Variants in DRD2 observed in about 807,000 individuals in gnomAD.
DRD2 encodes D(2) dopamine receptor.
Under a neutral mutation model 38.0 loss-of-function variants are expected in DRD2, and 8 were observed. The observed-to-expected ratio is 0.21, with a 90% CI of 0.12 to 0.38. The LOEUF is 0.38. DRD2 is among the 10% of genes least tolerant of loss of function. The pLI is 1.00. For synonymous variants in DRD2, 230 were observed against 238.6 expected (o/e 0.96, Z 0.33); for missense variants, 403 against 607.7 (o/e 0.66, Z 3.54).
At chr11:113,467,953 A>G (rs1031786974) in intron 1 of DRD2, among the ~76,000 whole-genome samples, 1 of 152,236 alleles carries the variant, frequency 6.6e-6, no homozygotes, top group African/African-American at 2.4e-5. Flanking sequence ...CGTTTTAGAA[A>G]CATGATTTCA....
intron 1 of DRD2, among the ~76,000 whole-genome samples, chr11:113,451,647 C>T (rs918411825): frequency 6.6e-6 from 1 of 152,052 alleles, no homozygotes; most frequent in Non-Finnish European, 1.5e-5. Flanking sequence ...CCTGCTACCA[C>T]GCCCGGCTAA....
At chr11:113,440,040 C>G (rs1365905677) in intron 1 of DRD2, among the ~76,000 whole-genome samples, 1 of 151,986 alleles carries the variant, frequency 6.6e-6, no homozygotes, top group Non-Finnish European at 1.5e-5. Context: ...CCATCCTGGT[C>G]ACTGTAGGAT....
At chr11:113,436,994 C>CAG (rs1951045222) in intron 1 of DRD2, among the ~76,000 whole-genome samples, 1 of 152,136 alleles carries the variant, frequency 6.6e-6, no homozygotes, top group Non-Finnish European at 1.5e-5. Context: ...GGCCTGGGAT[C>CAG]CTTTCTCATG....
chr11:113,466,586 AAG>A (rs1316038266), intron 1 of DRD2, among the ~76,000 whole-genome samples: 2 of 152,186 alleles, frequency 1.3e-5, no homozygotes, highest in Non-Finnish European at 2.9e-5. Context: ...TTAGGGATGA[AAG>A]AGAGAAGGCA....
chr11:113,468,088 T>C (rs1345620138), intron 1 of DRD2, among the ~76,000 whole-genome samples: 1 of 152,246 alleles, frequency 6.6e-6, no homozygotes. Context: ...GTACTCACTT[T>C]TCCCAGGGAC....
chr11:113,417,958 T>G, intron 3 of DRD2, 69 bp downstream of exon 3: 4 of 1,312,292 alleles, frequency 3.0e-6, no homozygotes, highest in Non-Finnish European at 4.4e-6. Context: ...CAGCCTGGCT[T>G]TGAGAAAAGC....
chr11:113,447,414 G>A (rs948873605), intron 1 of DRD2, among the ~76,000 whole-genome samples: 1 of 151,092 alleles, frequency 6.6e-6, no homozygotes, highest in Non-Finnish European at 1.5e-5. Context: ...AGATGGAAGT[G>A]CCCATGAGAA....
At chr11:113,415,222 C>T (rs1329407276) in intron 5 of DRD2, 199 bp downstream of exon 5, 1 of 511,832 alleles carries the variant, frequency 2.0e-6, no homozygotes, top group Non-Finnish European at 3.3e-6. Context: ...ATGGACCCTG[C>T]CTCCCTCTCC....
chr11:113,445,100 C>A (rs1196034182), intron 1 of DRD2, among the ~76,000 whole-genome samples: 1 of 152,280 alleles, frequency 6.6e-6, no homozygotes, highest in Middle Eastern at 3.4e-3. Flanking sequence ...TCTGAAAACA[C>A]CTGACCAGCA....
At chr11:113,413,994 C>T (rs1029896657) in intron 6 of DRD2, 10 of 339,462 alleles carry the variant, frequency 2.9e-5, no homozygotes, top group Admixed American at 2.8e-4. Context: ...GTTGCCTAAT[C>T]TTTCTGAGCC....
intron 1 of DRD2, among the ~76,000 whole-genome samples, chr11:113,434,550 C>T (rs778492062): frequency 7.2e-5 from 11 of 152,142 alleles, no homozygotes; most frequent in Non-Finnish European, 1.3e-4. Context: ...ATCACTGTGG[C>T]ACAAAGGTGT....
intron 1 of DRD2, among the ~76,000 whole-genome samples, chr11:113,445,380 G>C (rs11214609): frequency 0.44 from 67,270 of 152,088 alleles, 17,470 homozygotes; most frequent in Non-Finnish European, 0.6. Context: ...GAAGGGTATA[G>C]GGGAACTCTC....
At chr11:113,433,329 G>A (rs1466824798) in intron 1 of DRD2, among the ~76,000 whole-genome samples, 1 of 152,134 alleles carries the variant, frequency 6.6e-6, no homozygotes, top group Non-Finnish European at 1.5e-5. Context: ...CCCTGTTAAG[G>A]GGAAGGGCTC....
chr11:113,425,857 A>AT (rs2138182469), intron 1 of DRD2, among the ~76,000 whole-genome samples: 1 of 152,266 alleles, frequency 6.6e-6, no homozygotes, highest in East Asian at 1.9e-4. Context: ...TCAAACAGCA[A>AT]ACAATTCTGT....
chr11:113,415,831 A>T (rs973161495), intron 4 of DRD2, among the ~76,000 whole-genome samples: 37 of 152,370 alleles, frequency 2.4e-4, no homozygotes, highest in Admixed American at 9.2e-4. Flanking sequence ...TTAAGCTGTG[A>T]TGATGGACTG....
Position 113,424,697 on chromosome 11 carries a change from T to A in DRD2, c.-31-15A>T, listed in dbSNP as rs1591281100. The A allele has an allele frequency of 1.2e-6, 2 of 1,612,444 alleles. No homozygotes were observed. Among genetic ancestry groups the A allele is most frequent in the African/African-American group, 1.3e-5 (1 of 74,896 alleles). ...GTGGCCAGGCTCTGGCCAGGAAAAATGGACACAAGGTGTCAGTGAGAGGGC... is the reference window on the plus strand; with the variant it reads ...GTGGCCAGGCTCTGGCCAGGAAAAAAGGACACAAGGTGTCAGTGAGAGGGC... On this transcript the variant is annotated splice_polypyrimidine_tract_variant and intron_variant, in intron 1 of 7. Transcript: ENST00000362072.
rs1157492659 is a variant in DRD2, at chr11:113,475,349, G to C, written c.-305C>G. 6.7e-6 allele frequency: 1 copy of C among 149,650 alleles called. No homozygotes were observed. Among genetic ancestry groups the C allele is most frequent in the Non-Finnish European group, 1.5e-5 (1 of 66,764 alleles). 9.3% of individuals were successfully genotyped at this position (149,650 alleles called of 1,614,324 possible). On this transcript the variant is annotated 5_prime_UTR_variant, in exon 1 of 8. Transcript: ENST00000362072. ...GCGGGCGGGCAGGAGGGAGCGCGGG[G>C]ACGGGGCGGAGGCGGCGCGGTGCGC...
chr11:113,468,720 T>A (rs1339729949), intron 1 of DRD2, among the ~76,000 whole-genome samples: 1 of 152,068 alleles, frequency 6.6e-6, no homozygotes, highest in Non-Finnish European at 1.5e-5. Flanking sequence ...AATTTTTTTG[T>A]GTGTTTTAGT....
intron 7 of DRD2, 31 bp downstream of exon 7, chr11:113,412,525 G>T: frequency 6.2e-7 from 1 of 1,607,024 alleles, no homozygotes; most frequent in Non-Finnish European, 8.5e-7. Flanking sequence ...TTCACAGACC[G>T]GGCTGTGGCC....
Sources: allele counts gnomAD v4.1 joint callset (sites outside exome capture counted in the v4.1 genomes callset), GRCh38; gene constraint gnomAD v4.1.1; transcripts MANE v1.5; gene names NCBI Gene and HGNC (gene_info 2026-07-23, HGNC 2026-07-21).